Variants in CRYZL1 observed in about 807,000 individuals in gnomAD.
The protein encoded by CRYZL1 is ferry endosomal RAB5 effector complex subunit 4.
In CRYZL1, 34 loss-of-function variants were observed where a neutral mutation model predicts 50.6. That is an observed-to-expected ratio of 0.67 (90% confidence interval 0.51 to 0.89). The LOEUF (loss-of-function observed/expected upper bound fraction) is 0.89. Among genes scored for constraint, CRYZL1 ranks in the 40% least tolerant of loss-of-function variants. CRYZL1 has a pLI of 0.00. For missense variants in CRYZL1, 354 were observed against 402.3 expected (o/e 0.88, Z 1.03); for synonymous variants, 125 against 134.3 (o/e 0.93, Z 0.48).
intron 10 of CRYZL1, 42 bp downstream of exon 10, chr21:33,597,238 C>T: frequency 6.3e-7 from 1 of 1,590,078 alleles, no homozygotes; most frequent in Non-Finnish European, 8.6e-7. Flanking sequence ...TTAATTACAC[C>T]CCTTTGGTGT....
At chr21:33,622,262 C>T (rs1324705095) in intron 3 of CRYZL1, among the ~76,000 whole-genome samples, 194 bp from the exon 4 acceptor site, 1 of 152,168 alleles carries the variant, frequency 6.6e-6, no homozygotes, top group Non-Finnish European at 1.5e-5. Context: ...TTTACTGAGG[C>T]ATTAGTTGTT....
At chr21:33,590,189 T>C (rs942066151) in intron 12 of CRYZL1, among the ~76,000 whole-genome samples, 1 of 152,030 alleles carries the variant, frequency 6.6e-6, no homozygotes, top group African/African-American at 2.4e-5. Flanking sequence ...GGCTAATTTT[T>C]GTATTTTTAG....
Position 33,597,358 on chromosome 21 carries a change from T to C in CRYZL1, c.720A>G (p.Gln240=), listed in dbSNP as rs780076637. Residue 240 remains glutamine (Q), a synonymous_variant, in exon 10 of 13, where the codon CAA becomes CAG. Transcript: ENST00000381554. ...TGATATCATGTTTATGTGGTAGTAG[T>C]TGTAGTTTTACAGCTGGTTCATCAT... ...SKDDEPAVKL[Q]LLPHKHDIIT... 1 of 1,603,588 alleles carries C rather than the reference T, an allele frequency of 6.2e-7. No homozygotes were observed. The highest frequency in any genetic ancestry group is 8.5e-7 in the Non-Finnish European group (1 of 1,170,404).
intron 1 of CRYZL1, among the ~76,000 whole-genome samples, chr21:33,638,109 A>T (rs2087232145): frequency 6.6e-6 from 1 of 152,202 alleles, no homozygotes; most frequent in Non-Finnish European, 1.5e-5. Context: ...ATATTTGATT[A>T]AAAAGAATAT....
At chr21:33,599,435 T>A in intron 8 of CRYZL1, 187 bp from the exon 9 acceptor site, 1 of 761,442 alleles carries the variant, frequency 1.3e-6, no homozygotes, top group Non-Finnish European at 2.2e-6. Context: ...TAACCCAATA[T>A]GGGATATAGC....
chr21:33,635,425 A>C (rs930397287), intron 1 of CRYZL1, among the ~76,000 whole-genome samples: 2 of 136,690 alleles, frequency 1.5e-5, no homozygotes, highest in African/African-American at 5.6e-5. Context: ...ATCTCAGCTC[A>C]CTGCAAGCTC....
chr21:33,593,903 T>C (rs1390883832), intron 11 of CRYZL1, among the ~76,000 whole-genome samples: 1 of 145,164 alleles, frequency 6.9e-6, no homozygotes, highest in Non-Finnish European at 1.5e-5. Context: ...GAGAATTGCT[T>C]GAACCCAGGA....
rs2086689461 is a variant in CRYZL1 at position 33,595,991 on chromosome 21, C to A, written c.799-155G>T. The A allele has an allele frequency of 7.8e-6, 5 of 637,330 alleles. No homozygotes were observed. The East Asian group carries it at 1.4e-4, about 18-fold the overall frequency. 39.5% of individuals were successfully genotyped at this position (637,330 alleles called of 1,614,324 possible). A position where few individuals can be genotyped will look rare whatever the true frequency, so the allele number is the denominator to read the frequency against. ...TTAATAACGTAAACGATAATATTTTCTATTTCATGGTCCAAAATGATGAAA... is the reference window on the plus strand; with the variant it reads ...TTAATAACGTAAACGATAATATTTTATATTTCATGGTCCAAAATGATGAAA... On this transcript the variant is annotated intron_variant, in intron 10 of 12. Transcript: ENST00000381554.
intron 6 of CRYZL1, among the ~76,000 whole-genome samples, chr21:33,609,615 T>C (rs896534361): frequency 1.3e-5 from 2 of 151,756 alleles, no homozygotes; most frequent in African/African-American, 4.8e-5. Context: ...CTTGGCCTAG[T>C]ACTTTTTTTT....
chr21:33,613,534 A>G lies in CRYZL1; in HGVS notation c.331+4T>C, dbSNP rs2086895243. 3 of 1,599,662 alleles carry G rather than the reference A, an allele frequency of 1.9e-6. No individual in the cohort carries two copies. The highest frequency in any genetic ancestry group is 2.6e-6 in the Non-Finnish European group (3 of 1,167,004). ...GAGCTCCAAAGTACTGAATTGCTAC[A>G]TACCCAAGTAATGCTCATGTACTCT... On this transcript the variant is annotated splice_donor_region_variant and intron_variant, in intron 6 of 12. Transcript: ENST00000381554.
chr21:33,621,073 T>G (rs2086993936), intron 4 of CRYZL1, among the ~76,000 whole-genome samples: 1 of 147,836 alleles, frequency 6.8e-6, no homozygotes, highest in African/African-American at 2.5e-5. Context: ...GCCCGGCTAA[T>G]TTTTTGTATT....
rs1181465221 is a variant in CRYZL1 at position 33,624,737 on chromosome 21, A to G, written c.90T>C (p.Asp30=). 17 of 1,596,684 alleles carry G rather than the reference A, an allele frequency of 1.1e-5. No individual in the cohort carries two copies. In the Admixed American group the frequency reaches 2.2e-4, roughly 21 times the overall value. The change falls in exon 3 of 13, where the codon GAT becomes GAC. Residue 30 remains aspartate, a synonymous_variant. Transcript: ENST00000381554. ...CTTTAACTTGAAGTTTCACAAAGTT[A>G]TCCTCTGTAACAGGAAGATCTTCCT... ...QEKEDLPVTE[D]NFVKLQVKAC... is the part of the protein sequence containing the mutation.
intron 4 of CRYZL1, 131 bp downstream of exon 4, chr21:33,621,862 AAAG>A: frequency 1.8e-6 from 1 of 549,520 alleles, no homozygotes; most frequent in Non-Finnish European, 3.2e-6. Context: ...TAAAAATAAA[AAAG>A]GACATGTTCA....
At chr21:33,595,645 A>C in intron 11 of CRYZL1, 86 bp downstream of exon 11, 1 of 1,569,602 alleles carries the variant, frequency 6.4e-7, no homozygotes, top group East Asian at 2.3e-5. Flanking sequence ...CTTAACTGCT[A>C]TTATTATTTC....
intron 11 of CRYZL1, 65 bp from the exon 12 acceptor site, chr21:33,591,272 G>C: frequency 7.6e-7 from 1 of 1,310,704 alleles, no homozygotes; most frequent in Non-Finnish European, 1.1e-6. Context: ...TCAATAAGCA[G>C]AGGATGCCAG....
At position 33,589,603 on chromosome 21, in the gene CRYZL1, C is replaced by T. The variant is rs143362717; in HGVS notation, c.*219G>A. 7.8e-4 allele frequency: 399 copies of T among 508,438 alleles called. 2 individuals are homozygous for T. The highest frequency in any genetic ancestry group is 7.2e-3 in the African/African-American group (361 of 50,462). The allele number at this position is 508,438 out of a possible 1,614,324, so 31.5% of individuals were successfully genotyped here. On this transcript the variant is annotated 3_prime_UTR_variant, in exon 13 of 13. Coordinates refer to ENST00000381554, the MANE Select transcript of CRYZL1 (RefSeq NM_145858.3). Reference sequence around the variant, plus strand: ...AATGAAAAGGTTTTTAGAAAAATTCCCTTAAGATGTTAATTATAGAATTAT... The same window carrying T: ...AATGAAAAGGTTTTTAGAAAAATTCTCTTAAGATGTTAATTATAGAATTAT...
At position 33,602,337 on chromosome 21, in the gene CRYZL1, A is replaced by G. The variant is rs1312973747; in HGVS notation, c.474T>C (p.Gly158=). 6.3e-7 allele frequency: 1 copy of G among 1,579,402 alleles called. No homozygotes were observed. The highest frequency in any genetic ancestry group is 8.7e-7 in the Non-Finnish European group (1 of 1,148,538). The change falls in exon 8 of 13, where the codon GGT becomes GGC. Residue 158 remains glycine (G), a synonymous_variant. Transcript: ENST00000381554. ...VLIMDGASAF[G]TIAIQLAHHR... ...GATGTGCTAACTGAATAGCTATTGT[A>G]CCAAATGCCTGTGTAGAAAAAAATA...
chr21:33,625,358 T>C (rs1230735897), intron 2 of CRYZL1, among the ~76,000 whole-genome samples: 3 of 152,074 alleles, frequency 2.0e-5, no homozygotes, highest in Non-Finnish European at 4.4e-5. Context: ...GGTTTCACTG[T>C]GTTAGCCAGG....
chr21:33,611,213 C>G (rs932810981), intron 6 of CRYZL1, among the ~76,000 whole-genome samples: 1 of 152,138 alleles, frequency 6.6e-6, no homozygotes, highest in Non-Finnish European at 1.5e-5. Flanking sequence ...CCTCAAATTT[C>G]AAACTGCACA....
Sources: gnomAD v4.1 joint callset for allele counts (sites outside exome capture counted in the v4.1 genomes callset) on GRCh38, gnomAD v4.1.1 for gene constraint, MANE v1.5 for transcripts, NCBI Gene and HGNC (gene_info 2026-07-23, HGNC 2026-07-21) for gene names.